GLB1: variants seen among roughly 807,000 people sequenced by gnomAD.
GLB1 encodes galactosidase beta 1.
In GLB1, 56 loss-of-function variants were observed where a neutral mutation model predicts 74.0. That is an observed-to-expected ratio of 0.76 (90% CI 0.61 to 0.94). GLB1 has a LOEUF of 0.94. GLB1 is among the 40% of genes least tolerant of loss of function. The pLI is 0.00. For missense variants in GLB1, 787 were observed against 845.5 expected (o/e 0.93, Z 0.86); for synonymous variants, 323 against 323.6 (o/e 1.00, Z 0.02).
intron 1 of GLB1, among the ~76,000 whole-genome samples, chr3:33,094,837 G>A (rs1000620624): frequency 6.6e-6 from 1 of 152,138 alleles, no homozygotes; most frequent in African/African-American, 2.4e-5. Flanking sequence ...TAAAATTTGG[G>A]GAGAAATACT....
Position 33,065,482 on chromosome 3 carries a change from C to T in GLB1, c.533G>A (p.Gly178Glu). 1 of 1,584,138 alleles carries T rather than the reference C, an allele frequency of 6.3e-7. No individual in the cohort carries two copies. The highest frequency in any genetic ancestry group is 8.6e-7 in the Non-Finnish European group (1 of 1,161,740). Residue 178 changes from glycine to glutamate, a missense_variant, in exon 5 of 16, where the codon GGG (glycine) becomes GAG (glutamate). Coordinates refer to ENST00000307363, the MANE Select transcript of GLB1 (RefSeq NM_000404.4). ...KMKPLLYQNG[G>E]PVITVQVENE... Reference sequence around the variant, plus strand: ...GGTTACCTGCACTGTTATAACTGGCCCTCCATTCTGATAGAGGAGAGGCTT... The same window carrying T: ...GGTTACCTGCACTGTTATAACTGGCTCTCCATTCTGATAGAGGAGAGGCTT...
At position 33,011,602 on chromosome 3, in the gene GLB1, A is replaced by G. The variant is rs553858469; in HGVS notation, c.1734+2454T>C. The stretch of plus-strand genomic sequence containing the variant: ...AGAGGTTGCAGTGAGCAGAGATCAC[A>G]CCACTGTACTCCAGCCTAGGTGACA... On this transcript the variant is annotated intron_variant, in intron 15 of 15. Transcript: ENST00000307363. 1.0e-4 allele frequency among the ~76,000 whole-genome samples: 15 copies of G among 144,786 alleles called. No homozygotes were observed. The South Asian group carries it at 3.3e-3, about 32-fold the overall frequency. 95.0% of individuals were successfully genotyped at this position (144,786 alleles called of 152,430 possible).
At chr3:33,095,721 C>G (rs546867641) in intron 1 of GLB1, among the ~76,000 whole-genome samples, 1 of 152,214 alleles carries the variant, frequency 6.6e-6, no homozygotes, top group Non-Finnish European at 1.5e-5. Context: ...TCCCTACCCC[C>G]ACTCCCAGAT....
intron 1 of GLB1, chr3:33,090,351 G>C (rs542851511): frequency 3.5e-4 from 336 of 963,296 alleles, no homozygotes; most frequent in Non-Finnish European, 4.1e-4. Context: ...AAAGCTGGGA[G>C]AGAGGTACAT....
intron 1 of GLB1, chr3:33,092,144 C>T (rs564560833): frequency 5.1e-6 from 5 of 985,618 alleles, no homozygotes; most frequent in Middle Eastern, 5.2e-4. Flanking sequence ...CCGACCATGG[C>T]GCCCACCGTT....
At chr3:33,066,917 T>C (rs1367279245) in intron 4 of GLB1, among the ~76,000 whole-genome samples, 1 of 151,480 alleles carries the variant, frequency 6.6e-6, no homozygotes, top group Non-Finnish European at 1.5e-5. Context: ...CATTGCTCTA[T>C]AAAAGTGGCC....
At chr3:33,069,393 GAAAGA>G (rs201530059) in intron 2 of GLB1, among the ~76,000 whole-genome samples, 5,567 of 152,110 alleles carry the variant, frequency 0.037, 142 homozygotes, top group Middle Eastern at 0.085. Context: ...TCAAAATAAA[GAAAGA>G]AAAGAAAAGA....
intron 4 of GLB1, 119 bp from the exon 5 acceptor site, chr3:33,065,676 T>G (rs1219698096): frequency 1.4e-5 from 18 of 1,256,426 alleles, no homozygotes; most frequent in Non-Finnish European, 1.8e-5. Context: ...AAAAACATTC[T>G]GAGTTTTCTG....
Position 33,093,743 on chromosome 3 carries a change from C to T in GLB1, c.75+3268G>A, listed in dbSNP as rs368587546. 3 of 1,613,726 alleles carry T rather than the reference C, an allele frequency of 1.9e-6. No homozygotes were observed. The African/African-American group carries it at 4.0e-5, about 22-fold the overall frequency. On this transcript the variant is annotated intron_variant, in intron 1 of 15. Transcript: ENST00000307363. This position sits in a 1 kb window ranked among gnomAD's most constrained non-coding sequence, Gnocchi z 6.0. ...TTGTCTTCTCAAGGCTGCCCACGAC[C>T]CTACCACTGCGCCAGGCCAAGAGCT...
At chr3:33,035,699 A>G (rs1014191084) in intron 10 of GLB1, among the ~76,000 whole-genome samples, 1 of 152,050 alleles carries the variant, frequency 6.6e-6, no homozygotes, top group Non-Finnish European at 1.5e-5. Flanking sequence ...CGGCATTTTC[A>G]CCCTCAGAAC....
intron 15 of GLB1, among the ~76,000 whole-genome samples, chr3:33,004,564 C>T (rs1056209147): frequency 6.6e-5 from 10 of 152,168 alleles, no homozygotes; most frequent in Non-Finnish European, 1.2e-4. Flanking sequence ...GATCAATCAC[C>T]AAATCCCACT....
intron 10 of GLB1, among the ~76,000 whole-genome samples, chr3:33,038,248 A>T (rs1395574389): frequency 6.6e-6 from 1 of 152,188 alleles, no homozygotes; most frequent in Non-Finnish European, 1.5e-5. Context: ...TTAACACGGA[A>T]ATTGTAAGAC....
chr3:33,063,048 G>A (rs927260146), intron 5 of GLB1, among the ~76,000 whole-genome samples: 6 of 152,220 alleles, frequency 3.9e-5, no homozygotes, highest in Non-Finnish European at 7.4e-5. Context: ...AAAGTCCTAC[G>A]GAAGCCAATA....
intron 5 of GLB1, among the ~76,000 whole-genome samples, chr3:33,064,505 G>A (rs6782510): frequency 0.93 from 130,866 of 141,038 alleles, 60,891 homozygotes; most frequent in Non-Finnish European, 0.98. Flanking sequence ...AGCCGGGCAC[G>A]GTGGCTCACG....
At chr3:32,984,943 A>G in the GLB1 span, among the ~76,000 whole-genome samples, 4 of 128,294 alleles carry the variant, frequency 3.1e-5, no homozygotes, top group Admixed American at 7.8e-5. Flanking sequence ...CTCTGTCTCA[A>G]AAAAAAAAAA....
At chr3:32,970,375 C>T in the GLB1 span, among the ~76,000 whole-genome samples, 6 of 151,970 alleles carry the variant, frequency 3.9e-5, no homozygotes, top group South Asian at 8.3e-4. Context: ...TTTGTTCAGC[C>T]GGCCACCCCC....
intron 10 of GLB1, among the ~76,000 whole-genome samples, chr3:33,032,728 T>TTTA (rs1698104054): frequency 6.6e-6 from 1 of 152,150 alleles, no homozygotes; most frequent in Non-Finnish European, 1.5e-5. Flanking sequence ...CAGCCCTAAA[T>TTTA]GTTTTTCAAA....
chr3:33,090,603 C>T (rs1700711545), intron 1 of GLB1: 1 of 985,260 alleles, frequency 1.0e-6, no homozygotes. Context: ...TCACCACCTC[C>T]CCCGGCCACA....
chr3:32,979,426 A>C, the GLB1 span, among the ~76,000 whole-genome samples: 1 of 152,150 alleles, frequency 6.6e-6, no homozygotes, highest in Non-Finnish European at 1.5e-5. Context: ...TTCTCTATTG[A>C]ATACGTATTT....
Sources: gnomAD v4.1 joint callset for allele counts (sites outside exome capture counted in the v4.1 genomes callset) on GRCh38, gnomAD v4.1.1 for gene constraint, Gnocchi (gnomAD v3.1) non-coding constraint, MANE v1.5 for transcripts, NCBI Gene and HGNC (gene_info 2026-07-23, HGNC 2026-07-21) for gene names.